TASL: variants seen among roughly 807,000 people sequenced by gnomAD.
TASL encodes TLR adapter interacting with SLC15A4 on the lysosome.
TASL carries 6 observed loss-of-function variants against 12.9 expected under a neutral mutation model. The ratio of observed to expected loss-of-function variants is 0.46; its 90% CI spans 0.25 to 0.92. The LOEUF is 0.92. Among genes scored for constraint, TASL ranks in the 40% least tolerant of loss-of-function variants. The probability of loss-of-function intolerance (pLI) is 0.17; values close to 1 mark genes in which losing one functional copy is unlikely to be tolerated. For missense variants in TASL, 165 were observed against 212.8 expected, an observed-to-expected ratio of 0.78 and a Z score of 1.40; for synonymous variants, 85 against 79.3, an observed-to-expected ratio of 1.07 and a Z score of -0.38.
At chrX:30,572,931 G>C (rs765831410) in intron 2 of TASL, among the ~76,000 whole-genome samples, 1 of 111,802 alleles carries the variant, frequency 8.9e-6, no homozygotes, top group South Asian at 3.7e-4. Context: ...ACCTACCCTT[G>C]ACCTAAGTCA....
At chrX:30,565,265 C>A (rs947353936) in intron 2 of TASL, among the ~76,000 whole-genome samples, 2 of 111,257 alleles carry the variant, frequency 1.8e-5, no homozygotes, top group South Asian at 3.7e-4. Context: ...TTGTCCTAGG[C>A]CCAGAAGTTG....
In TASL at chrX:30,560,373, T is replaced by C; in HGVS notation, c.-1-17A>G. On this transcript the variant is annotated splice_polypyrimidine_tract_variant and intron_variant, in intron 2 of 2. Transcript: ENST00000378962. ...GACAGCATTCTGGAAAGAGAATTGA[T>C]GAGTAAGAATGGGGAAAAAGAATAC... is the stretch of plus-strand genomic sequence containing the variant. 1 of 1,095,142 alleles carries C rather than the reference T, an allele frequency of 9.1e-7. No individual in the cohort carries two copies. The highest frequency in any genetic ancestry group is 1.2e-6 in the Non-Finnish European group (1 of 818,067). The allele number at this position is 1,095,142 out of a possible 1,213,427, so 90.3% of individuals were successfully genotyped here.
chrX:30,570,273 GAA>G (rs1930574061), intron 2 of TASL, among the ~76,000 whole-genome samples: 1 of 109,622 alleles, frequency 9.1e-6, no homozygotes, highest in South Asian at 3.9e-4. Flanking sequence ...TATATGAAGA[GAA>G]AGAGAGAGAG....
At position 30,559,268 on chromosome X, in the gene TASL, A is replaced by G; in HGVS notation, c.*182T>C. 1 of 386,439 alleles carries G rather than the reference A, an allele frequency of 2.6e-6. No homozygotes were observed. The highest frequency in any genetic ancestry group is 4.5e-6 in the Non-Finnish European group (1 of 223,188). The allele number at this position is 386,439 out of a possible 1,213,427, so 31.8% of individuals were successfully genotyped here. On this transcript the variant is annotated 3_prime_UTR_variant, in exon 3 of 3. Transcript: ENST00000378962. ...CATTCCTTATGGCTCCTCTTACCAT[A>G]TTCCTTCATCAAGTGTAATATTATG... is the stretch of plus-strand genomic sequence containing the variant.
chrX:30,563,330 A>G (rs1293319713), intron 2 of TASL, among the ~76,000 whole-genome samples: 1 of 111,894 alleles, frequency 8.9e-6, no homozygotes, highest in Non-Finnish European at 1.9e-5. Context: ...GCCCTGCAGA[A>G]CTGAGTCAAT....
intron 2 of TASL, among the ~76,000 whole-genome samples, chrX:30,575,815 A>G (rs191644906): frequency 8.9e-6 from 1 of 111,790 alleles, no homozygotes; most frequent in Admixed American, 9.5e-5. Context: ...GAAAATGTAA[A>G]CTTTGGTGCA....
rs60436877 is a variant in TASL, at chrX:30,570,021, GAA to G, written c.-2+6729_-2+6730del. 5.9e-5 allele frequency among the ~76,000 whole-genome samples: 6 copies of G among 101,159 alleles called. No individual in the cohort carries two copies. In the East Asian group the frequency reaches 9.3e-4, roughly 16 times the overall value. The allele number at this position is 101,159 out of a possible 115,157, so 87.8% of individuals were successfully genotyped here. ...GACAGAGCAAGACTCTGTCTAAAAA[GAA>G]AAAAAAAAATCTATATTTGAAGGCA... On this transcript the variant is annotated intron_variant, in intron 2 of 2. Transcript: ENST00000378962.
At chrX:30,569,293 A>C (rs149921394) in intron 2 of TASL, among the ~76,000 whole-genome samples, 1,813 of 110,761 alleles carry the variant, frequency 0.016, 20 homozygotes, top group Non-Finnish European at 0.025. Context: ...TGAGAGACCA[A>C]GACCCCCAGA....
In TASL at chrX:30,560,133, G is replaced by T. The variant is rs150122685; in HGVS notation, c.223C>A (p.His75Asn). 583 of 1,208,818 alleles carry T rather than the reference G, an allele frequency of 4.8e-4. No individual in the cohort carries two copies. The highest frequency in any genetic ancestry group is 6.2e-4 in the Non-Finnish European group (551 of 894,419). Residue 75 changes from histidine (H) to asparagine (N), a missense_variant, in exon 3 of 3, where the codon CAT (histidine) becomes AAT (asparagine). Transcript: ENST00000378962. ...ISSVHSRESQ[H>N]SRSQRVTVLQ... ...ACTGTGACTCTCTGACTTCTGCTAT[G>T]TTGGCTCTCTCTTGAATGCACTGAA... is the stretch of plus-strand genomic sequence containing the variant.
chrX:30,566,717 T>C (rs1930503959), intron 2 of TASL, among the ~76,000 whole-genome samples: 1 of 111,559 alleles, frequency 9.0e-6, no homozygotes, highest in Non-Finnish European at 1.9e-5. Flanking sequence ...CAACGAAAAA[T>C]TGTAAAGATA....
intron 2 of TASL, among the ~76,000 whole-genome samples, chrX:30,575,189 A>G (rs1486458733): frequency 1.7e-4 from 19 of 111,238 alleles, no homozygotes; most frequent in Middle Eastern, 4.6e-3. Context: ...TCCATTGTAA[A>G]CTTTTTAAGA....
In TASL at chrX:30,559,465, G is replaced by A; in HGVS notation, c.891C>T (p.Ser297=). ...STPSLHISQY[S]NVNP Reference sequence around the variant, plus strand: ...AGCATCCTCTCTATGGATTTACATTGCTATACTGAGAAATATGGAGACTAG... The same window carrying A: ...AGCATCCTCTCTATGGATTTACATTACTATACTGAGAAATATGGAGACTAG... Residue 297 remains serine (S), a synonymous_variant, in exon 3 of 3, where the codon AGC becomes AGT. Coordinates refer to ENST00000378962, the MANE Select transcript of TASL (RefSeq NM_025159.3). 1 of 1,183,986 alleles carries A rather than the reference G, an allele frequency of 8.4e-7. No homozygotes were observed. Among genetic ancestry groups the A allele is most frequent in the African/African-American group, 1.8e-5 (1 of 56,863 alleles).
intron 2 of TASL, among the ~76,000 whole-genome samples, chrX:30,562,897 T>C (rs867112349): frequency 5.5e-4 from 47 of 85,143 alleles, no homozygotes; most frequent in African/African-American, 1.9e-3. Context: ...AAAGGTATAA[T>C]ACACACACAC....
intron 2 of TASL, among the ~76,000 whole-genome samples, chrX:30,572,847 A>G (rs1345938814): frequency 8.9e-6 from 1 of 111,852 alleles, no homozygotes; most frequent in Non-Finnish European, 1.9e-5. Flanking sequence ...TATGTAAACA[A>G]ATGATTGTGT....
At chrX:30,563,526 T>A (rs1419695940) in intron 2 of TASL, among the ~76,000 whole-genome samples, 1 of 111,255 alleles carries the variant, frequency 9.0e-6, no homozygotes, top group Non-Finnish European at 1.9e-5. Context: ...AAGTAAGAAA[T>A]ATCGAAAATC....
Position 30,559,338 on chromosome X carries a change from T to A in TASL, c.*112A>T, listed in dbSNP as rs1930382658. 3.7e-6 allele frequency: 2 copies of A among 544,302 alleles called. No homozygotes were observed. Among genetic ancestry groups the A allele is most frequent in the African/African-American group, 4.7e-5 (2 of 42,454 alleles). 44.9% of individuals were successfully genotyped at this position (544,302 alleles called of 1,213,427 possible). A position where few individuals can be genotyped will look rare whatever the true frequency, so the allele number is the denominator to read the frequency against. On this transcript the variant is annotated 3_prime_UTR_variant, in exon 3 of 3. Coordinates refer to ENST00000378962, the MANE Select transcript of TASL (RefSeq NM_025159.3). ...ACATGACTTCCAGCTGATCTTTACTTCTCTAGCCCTTAATTCCCCTTCACT... is the reference window on the plus strand; with the variant it reads ...ACATGACTTCCAGCTGATCTTTACTACTCTAGCCCTTAATTCCCCTTCACT...
intron 2 of TASL, among the ~76,000 whole-genome samples, chrX:30,571,276 A>AAGAAAGAAAGAAAGAAAGAAAG (rs1930607377): frequency 4.8e-5 from 3 of 62,210 alleles, no homozygotes; most frequent in African/African-American, 1.5e-4. Flanking sequence ...GAAAGAAAGA[A>AAGAAAGAAAGAAAGAAAGAAAG]AGAAAGAAAG....
intron 2 of TASL, among the ~76,000 whole-genome samples, chrX:30,560,625 G>A: frequency 9.6e-6 from 1 of 104,614 alleles, no homozygotes; most frequent in East Asian, 3.2e-4. Flanking sequence ...GTATCACTGA[G>A]GATTATAATA....
chrX:30,568,556 G>A (rs1462559299), intron 2 of TASL, among the ~76,000 whole-genome samples: 1 of 110,951 alleles, frequency 9.0e-6, no homozygotes, highest in Non-Finnish European at 1.9e-5. Context: ...GCTCACCTAA[G>A]AGCCTTTCTT....
Sources: allele counts gnomAD v4.1 joint callset (sites outside exome capture counted in the v4.1 genomes callset), GRCh38; gene constraint gnomAD v4.1.1; transcripts MANE v1.5; gene names NCBI Gene and HGNC (gene_info 2026-07-23, HGNC 2026-07-21).